Variants in KCNMA1 observed in about 807,000 individuals in gnomAD.
The protein encoded by KCNMA1 is Calcium-activated potassium channel subunit alpha-1.
A neutral mutation model predicts 140.0 loss-of-function variants in KCNMA1; 29 were observed. The ratio of observed to expected loss-of-function variants is 0.21; its 90% confidence interval spans 0.15 to 0.28. The LOEUF (loss-of-function observed/expected upper bound fraction) is 0.28, where lower values mean the gene tolerates loss of function less well. KCNMA1 is among the 10% of genes least tolerant of loss of function. KCNMA1 has a pLI of 1.00. For synonymous variants in KCNMA1, 612 were observed against 611.9 expected (o/e 1.00, Z 0.00); for missense variants, 880 against 1,602.2 (o/e 0.55, Z 7.70).
chr10:77,213,375 A>T (rs1565254055), intron 3 of KCNMA1, among the ~76,000 whole-genome samples: 1 of 152,236 alleles, frequency 6.6e-6, no homozygotes, highest in South Asian at 2.1e-4. Flanking sequence ...AGGTCTAAGG[A>T]AGGTCCTCAT....
At chr10:77,555,613 G>C (rs1344358327) in intron 1 of KCNMA1, among the ~76,000 whole-genome samples, 6 of 152,196 alleles carry the variant, frequency 3.9e-5, no homozygotes, top group Admixed American at 2.6e-4. Flanking sequence ...GCTTTAAACA[G>C]AGTCCTGTGC....
At chr10:77,349,471 GATA>G (rs1566151287) in intron 2 of KCNMA1, among the ~76,000 whole-genome samples, 3 of 152,166 alleles carry the variant, frequency 2.0e-5, no homozygotes, top group African/African-American at 4.8e-5. Flanking sequence ...TGGGCAAAAG[GATA>G]ATATTACTTC....
chr10:77,527,060 G>A (rs2056035249), intron 1 of KCNMA1, among the ~76,000 whole-genome samples: 1 of 152,180 alleles, frequency 6.6e-6, no homozygotes, highest in African/African-American at 2.4e-5. Flanking sequence ...CATACTTCTG[G>A]GAGCTCGTCA....
chr10:77,280,849 A>G (rs1442074440), intron 2 of KCNMA1, among the ~76,000 whole-genome samples: 1 of 152,192 alleles, frequency 6.6e-6, no homozygotes, highest in African/African-American at 2.4e-5. Context: ...TGGTTATAAC[A>G]TCTGCCTGGT....
chr10:77,012,634 T>C, intron 17 of KCNMA1: 12 of 1,215,476 alleles, frequency 9.9e-6, no homozygotes, highest in Non-Finnish European at 1.2e-5. Context: ...CACAGCTTAT[T>C]TTACTCCAAA....
intron 2 of KCNMA1, among the ~76,000 whole-genome samples, chr10:77,295,803 A>AAAAAAC (rs2074886035): frequency 6.7e-6 from 1 of 149,622 alleles, no homozygotes; most frequent in East Asian, 1.9e-4. Flanking sequence ...AAAAAAAAAA[A>AAAAAAC]AAAAAAAAAA....
intron 29 of KCNMA1, among the ~76,000 whole-genome samples, chr10:76,879,336 T>C (rs778870270): frequency 6.6e-6 from 1 of 152,090 alleles, no homozygotes; most frequent in Non-Finnish European, 1.5e-5. Context: ...TGCCTCGTTC[T>C]CCCCACCCCC....
intron 1 of KCNMA1, among the ~76,000 whole-genome samples, chr10:77,496,067 C>T (rs1275417200): frequency 2.0e-5 from 3 of 152,170 alleles, no homozygotes; most frequent in Non-Finnish European, 4.4e-5. Context: ...GAAGGTGGTC[C>T]TTGAAAGCTC....
At chr10:77,471,545 C>T (rs574496209) in intron 1 of KCNMA1, among the ~76,000 whole-genome samples, 1 of 151,020 alleles carries the variant, frequency 6.6e-6, no homozygotes, top group Admixed American at 6.6e-5. Flanking sequence ...ACACACTACA[C>T]ACACACCATA....
chr10:77,239,934 A>G (rs776016252), intron 3 of KCNMA1, among the ~76,000 whole-genome samples: 1 of 152,236 alleles, frequency 6.6e-6, no homozygotes, highest in East Asian at 1.9e-4. Context: ...TTATACCTAC[A>G]TATGCTAGAA....
chr10:77,246,423 T>C (rs1448437842), intron 3 of KCNMA1, among the ~76,000 whole-genome samples: 1 of 152,208 alleles, frequency 6.6e-6, no homozygotes, highest in African/African-American at 2.4e-5. Flanking sequence ...TGAATGTTAG[T>C]TCCCTCCAAC....
At chr10:77,473,824 T>C (rs549569892) in intron 1 of KCNMA1, among the ~76,000 whole-genome samples, 1 of 152,306 alleles carries the variant, frequency 6.6e-6, no homozygotes, top group East Asian at 1.9e-4. Flanking sequence ...CTGATCCAAA[T>C]TAGATCCTTA....
intron 3 of KCNMA1, among the ~76,000 whole-genome samples, chr10:77,232,434 C>T (rs2053925996): frequency 6.6e-6 from 1 of 152,210 alleles, no homozygotes; most frequent in African/African-American, 2.4e-5. Context: ...TATGATCTGT[C>T]TTTTCAAGTA....
intron 1 of KCNMA1, among the ~76,000 whole-genome samples, chr10:77,537,804 G>A (rs997207949): frequency 3.9e-5 from 6 of 152,052 alleles, no homozygotes; most frequent in Admixed American, 3.3e-4. Context: ...ACAGTGGGCC[G>A]TTCGGACTGC....
At chr10:77,386,080 C>T (rs952173502) in intron 2 of KCNMA1, among the ~76,000 whole-genome samples, 1 of 152,220 alleles carries the variant, frequency 6.6e-6, no homozygotes, top group Non-Finnish European at 1.5e-5. Context: ...TTCCAAGGAG[C>T]ACTCACTGGG....
chr10:77,026,567 T>C (rs1028092571), intron 16 of KCNMA1, among the ~76,000 whole-genome samples: 3 of 152,194 alleles, frequency 2.0e-5, no homozygotes, highest in African/African-American at 7.2e-5. Flanking sequence ...TTTGCCAACA[T>C]GAAAAAGAAA....
At chr10:77,404,509 C>T (rs1322922956) in intron 1 of KCNMA1, among the ~76,000 whole-genome samples, 2 of 152,086 alleles carry the variant, frequency 1.3e-5, no homozygotes, top group East Asian at 3.9e-4. Context: ...AACTCCTGAC[C>T]TCAAGTGATC....
intron 3 of KCNMA1, among the ~76,000 whole-genome samples, chr10:77,248,386 A>C (rs1430009163): frequency 6.6e-6 from 1 of 152,134 alleles, no homozygotes; most frequent in Non-Finnish European, 1.5e-5. Context: ...TCTGGCTAAA[A>C]TTCACTGAGA....
chr10:77,586,192 G>C (rs2077229883), intron 1 of KCNMA1: 1 of 152,210 alleles, frequency 6.6e-6, no homozygotes, highest in Admixed American at 6.5e-5. Flanking sequence ...CATCACTGGA[G>C]AGACTCTGTG....
Sources: allele counts gnomAD v4.1 joint callset (sites outside exome capture counted in the v4.1 genomes callset), GRCh38; gene constraint gnomAD v4.1.1; transcripts MANE v1.5; gene names NCBI Gene and HGNC (gene_info 2026-07-23, HGNC 2026-07-21).